TXLNG: variants seen among roughly 807,000 people sequenced by gnomAD.
The protein encoded by TXLNG is gamma-taxilin.
TXLNG carries 5 observed loss-of-function variants against 38.8 expected under a neutral mutation model. The observed-to-expected ratio is 0.13, with a 90% CI of 0.07 to 0.27. TXLNG has a LOEUF of 0.27. Ranked by LOEUF, TXLNG falls within the 10% of genes least tolerant of loss-of-function variation. The pLI is 1.00. For synonymous variants in TXLNG, 182 were observed against 158.2 expected (o/e 1.15, Z -1.13); for missense variants, 393 against 398.2 (o/e 0.99, Z 0.11).
intron 1 of TXLNG, among the ~76,000 whole-genome samples, chrX:16,816,074 CT>C (rs1355624161): frequency 9.8e-6 from 1 of 101,587 alleles, no homozygotes. Flanking sequence ...ATTTTTTTTT[CT>C]TTTTTTTTTG....
At chrX:16,786,743 G>A (rs1927499908) in intron 1 of TXLNG, among the ~76,000 whole-genome samples, 154 bp downstream of exon 1, 1 of 108,166 alleles carries the variant, frequency 9.2e-6, no homozygotes, top group Non-Finnish European at 1.9e-5. Flanking sequence ...GTGGGAGCAG[G>A]TGGGGGGGGG....
In TXLNG at chrX:16,839,936, C is replaced by G; in HGVS notation, c.1248+20C>G. ...GAAGAGGTGAGATGGTTTCCTGCGA[C>G]TAAGGTGTAGTCTTAGTCATGGGGA... On this transcript the variant is annotated intron_variant, in intron 9 of 9. Coordinates refer to ENST00000380122, the MANE Select transcript of TXLNG (RefSeq NM_018360.3). The G allele has an allele frequency of 8.8e-7, 1 of 1,140,456 alleles. No individual in the cohort carries two copies. Among genetic ancestry groups the G allele is most frequent in the East Asian group, 3.0e-5 (1 of 33,031 alleles). 94.0% of individuals were successfully genotyped at this position (1,140,456 alleles called of 1,213,427 possible).
intron 1 of TXLNG, among the ~76,000 whole-genome samples, chrX:16,799,661 C>T (rs908865817): frequency 9.1e-6 from 1 of 110,055 alleles, no homozygotes; most frequent in African/African-American, 3.3e-5. Context: ...GTCCCAGCTA[C>T]TCGGGAGGCT....
rs1265369450 is a variant in TXLNG, at chrX:16,844,298, AG to A, written c.*2533del. 1 of 112,263 alleles carries A rather than the reference AG, an allele frequency of 8.9e-6. No homozygotes were observed. Among genetic ancestry groups the A allele is most frequent in the African/African-American group, 3.2e-5 (1 of 30,853 alleles). The allele number at this position is 112,263 out of a possible 1,213,427, so 9.3% of individuals were successfully genotyped here. A position where few individuals can be genotyped will look rare whatever the true frequency, so the allele number is the denominator to read the frequency against. On this transcript the variant is annotated 3_prime_UTR_variant, in exon 10 of 10. Transcript: ENST00000380122. ...GAAAAATCTACCTCTTTCAGACTGT[AG>A]ATGGAAATAACTGTGAAAAAAATGA...
intron 1 of TXLNG, among the ~76,000 whole-genome samples, chrX:16,797,806 T>C (rs1036894376): frequency 8.9e-5 from 10 of 112,760 alleles, no homozygotes; most frequent in Non-Finnish European, 1.9e-4. Flanking sequence ...TTGGGGGCCA[T>C]GGCAGAAGCT....
At chrX:16,838,680 G>A (rs1403680344) in intron 8 of TXLNG, among the ~76,000 whole-genome samples, 2 of 111,981 alleles carry the variant, frequency 1.8e-5, no homozygotes, top group East Asian at 2.8e-4. Context: ...CAGCAGATTC[G>A]TTCTGCCTGC....
At chrX:16,830,554 TTGTTA>T (rs1299001023) in intron 5 of TXLNG, among the ~76,000 whole-genome samples, 5 of 105,511 alleles carry the variant, frequency 4.7e-5, no homozygotes, top group Admixed American at 1.0e-4. Context: ...AATGTTGGGC[TTGTTA>T]TGTTATGTTC....
At chrX:16,795,616 T>C (rs1927857639) in intron 1 of TXLNG, among the ~76,000 whole-genome samples, 1 of 111,593 alleles carries the variant, frequency 9.0e-6, no homozygotes, top group Admixed American at 9.6e-5. Flanking sequence ...TTCTTTGTGC[T>C]CTTACATGCT....
At chrX:16,802,254 CTT>C (rs549410933) in intron 1 of TXLNG, among the ~76,000 whole-genome samples, 5 of 86,091 alleles carry the variant, frequency 5.8e-5, no homozygotes, top group Non-Finnish European at 6.7e-5. Flanking sequence ...CGCACCTGGC[CTT>C]TTTTTTTTTT....
At chrX:16,805,710 G>C (rs1369302909) in intron 1 of TXLNG, among the ~76,000 whole-genome samples, 1 of 111,927 alleles carries the variant, frequency 8.9e-6, no homozygotes, top group Admixed American at 9.5e-5. Context: ...ATATAACTTA[G>C]GAAGTCTCAG....
At chrX:16,831,285 T>G (rs896958387) in intron 5 of TXLNG, among the ~76,000 whole-genome samples, 7 of 112,014 alleles carry the variant, frequency 6.2e-5, no homozygotes, top group African/African-American at 2.3e-4. Context: ...ATACAAAGAC[T>G]AGCCGGGTGA....
intron 1 of TXLNG, among the ~76,000 whole-genome samples, chrX:16,797,202 T>C (rs772739029): frequency 1.8e-5 from 2 of 108,331 alleles, no homozygotes; most frequent in Non-Finnish European, 1.9e-5. Flanking sequence ...GAAAATCACT[T>C]GAACCCAGGA....
Position 16,829,107 on chromosome X carries a change from A to T in TXLNG, c.670-469A>T, listed in dbSNP as rs763666816. ...GACATGTAAAGGTCTTTTGACACTC[A>T]TATCCTAGCAAGAATTGAAAGTAAG... On this transcript the variant is annotated intron_variant, in intron 4 of 9. Transcript: ENST00000380122. Among the ~76,000 whole-genome samples, 3 of 111,986 alleles carry T rather than the reference A, an allele frequency of 2.7e-5. No individual in the cohort carries two copies. The South Asian group carries it at 1.1e-3, about 42-fold the overall frequency.
chrX:16,807,156 T>A (rs1928363158), intron 1 of TXLNG, among the ~76,000 whole-genome samples: 1 of 111,388 alleles, frequency 9.0e-6, no homozygotes, highest in African/African-American at 3.3e-5. Flanking sequence ...AAATAATCAC[T>A]TCAAATTATT....
intron 1 of TXLNG, among the ~76,000 whole-genome samples, chrX:16,787,113 G>A (rs1927519391): frequency 8.9e-6 from 1 of 112,570 alleles, no homozygotes; most frequent in East Asian, 2.9e-4. Context: ...CGCGGGAGCC[G>A]GGGTGTGCTT....
chrX:16,794,149 G>C (rs1277331052), intron 1 of TXLNG, among the ~76,000 whole-genome samples: 1 of 111,510 alleles, frequency 9.0e-6, no homozygotes, highest in Non-Finnish European at 1.9e-5. Flanking sequence ...TCAGAGTTTC[G>C]GCTCTTTGGG....
chrX:16,818,535 C>T, intron 1 of TXLNG, 39 bp from the exon 2 acceptor site: 1 of 1,166,577 alleles, frequency 8.6e-7, no homozygotes, highest in Non-Finnish European at 1.2e-6. Context: ...TTAGATTTAA[C>T]CCCTTCTCCA....
At chrX:16,801,177 C>T (rs759311680) in intron 1 of TXLNG, among the ~76,000 whole-genome samples, 2 of 111,466 alleles carry the variant, frequency 1.8e-5, no homozygotes, top group Non-Finnish European at 1.9e-5. Flanking sequence ...TACCCAGTCT[C>T]GGGCATTCTT....
At chrX:16,829,292 T>C (rs1011694589) in intron 4 of TXLNG, among the ~76,000 whole-genome samples, 1 of 111,849 alleles carries the variant, frequency 8.9e-6, no homozygotes, top group African/African-American at 3.3e-5. Flanking sequence ...CCATCTAAGA[T>C]GATGGCCTGT....
Sources: allele counts gnomAD v4.1 joint callset (sites outside exome capture counted in the v4.1 genomes callset), GRCh38; gene constraint gnomAD v4.1.1; transcripts MANE v1.5; gene names NCBI Gene and HGNC (gene_info 2026-07-23, HGNC 2026-07-21).